The following SPECC1 variants were observed in gnomAD, a reference collection of about 807,000 sequenced individuals.
The protein encoded by SPECC1 is sperm antigen with calponin homology and coiled-coil domains 1, also known as cytospin-B.
SPECC1 carries 62 observed loss-of-function variants against 104.1 expected under a neutral mutation model. The observed-to-expected ratio is 0.60, with a 90% CI of 0.49 to 0.74. The LOEUF (loss-of-function observed/expected upper bound fraction) is 0.74. SPECC1 is among the 30% of genes least tolerant of loss of function. The pLI, the probability that SPECC1 is intolerant of heterozygous loss-of-function variation, is 0.00. For synonymous variants in SPECC1, 513 were observed against 501.6 expected (o/e 1.02, Z -0.30); for missense variants, 1,306 against 1,310.5 (o/e 1.00, Z 0.05).
intron 1 of SPECC1, among the ~76,000 whole-genome samples, chr17:20,060,490 T>C (rs1435866013): frequency 6.6e-6 from 1 of 151,326 alleles, no homozygotes; most frequent in Admixed American, 6.6e-5. Context: ...CTACAAAAAA[T>C]AAAAAAATTT....
chr17:20,099,511 CAAAAAAAAAA>C lies in SPECC1; in HGVS notation c.147+2732_147+2741del, dbSNP rs56285234. Among the ~76,000 whole-genome samples, 12 of 91,778 alleles carry C rather than the reference CAAAAAAAAAA, an allele frequency of 1.3e-4. No homozygotes were observed. The East Asian group carries it at 4.0e-3, about 30-fold the overall frequency. The allele number at this position is 91,778 out of a possible 152,430, so 60.2% of individuals were successfully genotyped here. A position where few individuals can be genotyped will look rare whatever the true frequency, so the allele number is the denominator to read the frequency against. ...AACATGGTGAAATCCTGTCTTTACC[CAAAAAAAAAA>C]AAAAAAAAAAAAAAAAAATTAGCCT... is the stretch of plus-strand genomic sequence containing the variant. On this transcript the variant is annotated intron_variant, in intron 2 of 14. Coordinates refer to ENST00000395527, the MANE Select transcript of SPECC1 (RefSeq NM_001243439.2).
chr17:20,066,843 G>A (rs2152476868), intron 1 of SPECC1, among the ~76,000 whole-genome samples: 1 of 151,234 alleles, frequency 6.6e-6, no homozygotes, highest in South Asian at 2.1e-4. Context: ...GGCTCAAGCA[G>A]TTCTCCCATC....
At chr17:20,142,308 C>T (rs372948531) in intron 3 of SPECC1, among the ~76,000 whole-genome samples, 1 of 152,204 alleles carries the variant, frequency 6.6e-6, no homozygotes. Context: ...CCAGTATTTC[C>T]ACTTCTGGTT....
At position 20,121,302 on chromosome 17, in the gene SPECC1, A is replaced by G. The variant is rs572365743; in HGVS notation, c.283+10740A>G. Among the ~76,000 whole-genome samples, 7 of 152,038 alleles carry G rather than the reference A, an allele frequency of 4.6e-5. No individual in the cohort carries two copies. In the South Asian group the frequency reaches 6.2e-4, roughly 14 times the overall value. On this transcript the variant is annotated intron_variant, in intron 3 of 14. Coordinates refer to ENST00000395527, the MANE Select transcript of SPECC1 (RefSeq NM_001243439.2). ...CCATATGGAACATCCACTTTTTCTA[A>G]TTGGTTTTATTTCATTAATATTATT...
chr17:20,204,760 G>C lies in SPECC1; in HGVS notation c.711G>C (p.Gln237His). The C allele has an allele frequency of 6.2e-7, 1 of 1,614,140 alleles. No individual in the cohort carries two copies. Residue 237 changes from glutamine to histidine, a missense_variant, in exon 4 of 15, where the codon CAG becomes CAC. Physicochemically the swap from Gln to His is conservative, Grantham distance 24 (BLOSUM62 0). Coordinates refer to ENST00000395527, the MANE Select transcript of SPECC1 (RefSeq NM_001243439.2). ...RALEEKNKNF[Q>H]KELSDLEEEN... is the part of the protein sequence containing the mutation. Reference sequence around the variant, plus strand: ...TTGAGGAGAAGAACAAGAACTTTCAGAAAGAGCTTTCCGATCTAGAGGAAG... The same window carrying C: ...TTGAGGAGAAGAACAAGAACTTTCACAAAGAGCTTTCCGATCTAGAGGAAG...
chr17:20,162,114 C>T (rs1470010318), intron 3 of SPECC1, among the ~76,000 whole-genome samples: 2 of 151,420 alleles, frequency 1.3e-5, no homozygotes, highest in Non-Finnish European at 2.9e-5. Flanking sequence ...GTCACTTCTG[C>T]CCTCAGACTT....
intron 10 of SPECC1, among the ~76,000 whole-genome samples, chr17:20,254,030 A>G (rs2039729804): frequency 6.6e-6 from 1 of 152,160 alleles, no homozygotes. Context: ...CTAAGGGAAA[A>G]AATCTTACCT....
At chr17:20,171,049 T>C (rs1185613128) in intron 3 of SPECC1, among the ~76,000 whole-genome samples, 2 of 152,248 alleles carry the variant, frequency 1.3e-5, no homozygotes, top group Non-Finnish European at 2.9e-5. Context: ...ACAGAGTCTA[T>C]TCATAGTGGT....
intron 3 of SPECC1, among the ~76,000 whole-genome samples, chr17:20,118,576 C>A (rs1427389653): frequency 1.3e-5 from 2 of 151,992 alleles, no homozygotes; most frequent in African/African-American, 2.4e-5. Context: ...TATGGTATAA[C>A]CTTAATTTGG....
At chr17:20,194,523 T>TTTTTTTTTTTTTTTTTTA in intron 3 of SPECC1, among the ~76,000 whole-genome samples, 1 of 142,740 alleles carries the variant, frequency 7.0e-6, no homozygotes. Flanking sequence ...TTTTTTTTTT[T>TTTTTTTTTTTTTTTTTTA]TTGAGACAGA....
chr17:20,039,596 G>C (rs774897388), intron 1 of SPECC1, among the ~76,000 whole-genome samples: 1 of 152,070 alleles, frequency 6.6e-6, no homozygotes, highest in African/African-American at 2.4e-5. Context: ...GTCTCACTCT[G>C]TCGTTCAGGC....
In SPECC1 at chr17:20,204,374, C is replaced by T. The variant is rs749979309; in HGVS notation, c.325C>T (p.Arg109Trp). Residue 109 changes from arginine (R) to tryptophan (W), a missense_variant, in exon 4 of 15, where the codon CGG (arginine) becomes TGG (tryptophan). Arg to Trp is a moderately radical substitution (Grantham distance 101, BLOSUM62 -3). Coordinates refer to ENST00000395527, the MANE Select transcript of SPECC1 (RefSeq NM_001243439.2). ...TAAACGGACAGGCATTCCAGCCCCA[C>T]GGGAATTTTCAGTAACTGTCTCAAG... ...TTKRTGIPAP[R>W]EFSVTVSRER... The T allele has an allele frequency of 1.8e-5, 29 of 1,613,692 alleles. No homozygotes were observed. The highest frequency in any genetic ancestry group is 2.7e-5 in the African/African-American group (2 of 74,868).
At chr17:20,041,164 C>T (rs1400969814) in intron 1 of SPECC1, among the ~76,000 whole-genome samples, 2 of 151,938 alleles carry the variant, frequency 1.3e-5, no homozygotes, top group African/African-American at 4.8e-5. Context: ...TTTTGTCTGC[C>T]CCCTCCATTC....
intron 1 of SPECC1, among the ~76,000 whole-genome samples, chr17:20,020,553 C>T (rs887494054): frequency 5.3e-5 from 8 of 152,072 alleles, no homozygotes; most frequent in African/African-American, 1.2e-4. Flanking sequence ...AGGCTGATCT[C>T]AAACTCCTAA....
chr17:20,156,310 T>C, intron 3 of SPECC1: 1 of 1,293,296 alleles, frequency 7.7e-7, no homozygotes, highest in South Asian at 2.2e-5. Context: ...CCCCACCGCC[T>C]CCGGCTCGCG....
intron 2 of SPECC1, among the ~76,000 whole-genome samples, chr17:20,099,598 G>A (rs1290560784): frequency 7.0e-6 from 1 of 143,698 alleles, no homozygotes; most frequent in Non-Finnish European, 1.5e-5. Context: ...GGGAGGCTGA[G>A]ACAGGAGAAT....
intron 1 of SPECC1, among the ~76,000 whole-genome samples, chr17:20,083,183 G>A (rs2047050091): frequency 6.6e-6 from 1 of 152,220 alleles, no homozygotes; most frequent in Non-Finnish European, 1.5e-5. Flanking sequence ...CATTGATCCA[G>A]ATGCTAGGCA....
chr17:20,107,421 C>T (rs1419124065), intron 2 of SPECC1, among the ~76,000 whole-genome samples: 1 of 150,252 alleles, frequency 6.7e-6, no homozygotes, highest in Non-Finnish European at 1.5e-5. Context: ...CCAGCCTGGG[C>T]AACATAGTGA....
At chr17:20,071,066 G>C (rs957270328) in intron 1 of SPECC1, among the ~76,000 whole-genome samples, 12 of 152,004 alleles carry the variant, frequency 7.9e-5, no homozygotes, top group Admixed American at 7.9e-4. Flanking sequence ...TGTTGCCCAG[G>C]CTGGAGTTCG....
Sources: gnomAD v4.1 joint callset for allele counts (sites outside exome capture counted in the v4.1 genomes callset) on GRCh38, gnomAD v4.1.1 for gene constraint, MANE v1.5 for transcripts, NCBI Gene and HGNC (gene_info 2026-07-23, HGNC 2026-07-21) for gene names.